The following DHRSX variants were observed in gnomAD, a reference collection of about 807,000 sequenced individuals.
DHRSX encodes the protein polyprenol dehydrogenase.
A neutral mutation model predicts 34.0 loss-of-function variants in DHRSX; 31 were observed. The ratio of observed to expected loss-of-function variants is 0.91; its 90% CI spans 0.69 to 1.23. The LOEUF is 1.23. DHRSX is among the 50% of genes most tolerant of loss of function. The pLI, the probability that DHRSX is intolerant of heterozygous loss-of-function variation, is 0.00. For missense variants in DHRSX, 414 were observed against 428.1 expected, an observed-to-expected ratio of 0.97 and a Z score of 0.29; for synonymous variants, 201 against 183.8, an observed-to-expected ratio of 1.09 and a Z score of -0.76.
At chrX:2,222,133 A>C (rs2015536094) in intron 6 of DHRSX, among the ~76,000 whole-genome samples, 1 of 152,190 alleles carries the variant, frequency 6.6e-6, no homozygotes, top group South Asian at 2.1e-4. Flanking sequence ...TTGATCTTGA[A>C]CTTCCAGCCT....
chrX:2,243,391 C>T (rs973064886), intron 5 of DHRSX, 161 bp from the exon 6 acceptor site: 42 of 172,972 alleles, frequency 2.4e-4, no homozygotes, highest in African/African-American at 3.6e-4. Flanking sequence ...TTTTCCAACG[C>T]GTGTGGATTT....
chrX:2,224,355 G>A (rs2015588167), intron 6 of DHRSX, among the ~76,000 whole-genome samples: 1 of 152,162 alleles, frequency 6.6e-6, no homozygotes, highest in Non-Finnish European at 1.5e-5. Flanking sequence ...GGCAGTGTCT[G>A]GGGGCTTCTG....
chrX:2,357,726 A>T (rs1378293299), intron 3 of DHRSX, among the ~76,000 whole-genome samples: 1 of 150,678 alleles, frequency 6.6e-6, no homozygotes, highest in African/African-American at 2.4e-5. Context: ...AAAAAGAATC[A>T]TTGCTTGTTT....
chrX:2,493,059 G>GAGCCCAT lies in DHRSX; in HGVS notation c.109+7757_109+7758insATGGGCT, dbSNP rs2045196464. Among the ~76,000 whole-genome samples, 4 of 152,242 alleles carry GAGCCCAT rather than the reference G, an allele frequency of 2.6e-5. No homozygotes were observed. The South Asian group carries it at 8.3e-4, about 31-fold the overall frequency. On this transcript the variant is annotated intron_variant, in intron 1 of 6. Coordinates refer to ENST00000334651, the MANE Select transcript of DHRSX (RefSeq NM_145177.3). The stretch of plus-strand genomic sequence containing the variant: ...GTGAGCTGGGCATTGCCAGAGCCCA[G>GAGCCCAT]CAGTGCCACTTCCCAAGACTGGGGT...
intron 3 of DHRSX, among the ~76,000 whole-genome samples, chrX:2,360,318 C>G (rs375928250): frequency 6.6e-6 from 1 of 152,182 alleles, no homozygotes. Flanking sequence ...GGCGTGGTGG[C>G]TCACGCCTGT....
At chrX:2,415,809 A>G (rs1265004278) in intron 2 of DHRSX, among the ~76,000 whole-genome samples, 3 of 151,636 alleles carry the variant, frequency 2.0e-5, no homozygotes, top group Non-Finnish European at 1.5e-5. Flanking sequence ...ACCCAACCAG[A>G]TCTCATCATG....
At chrX:2,448,379 GA>G (rs201017508) in intron 1 of DHRSX, among the ~76,000 whole-genome samples, 7,855 of 151,988 alleles carry the variant, frequency 0.052, 267 homozygotes, top group East Asian at 0.083. Context: ...TTACATAAAA[GA>G]AATAAATTCA....
At chrX:2,292,711 C>T (rs2041880972) in intron 3 of DHRSX, among the ~76,000 whole-genome samples, 1 of 152,102 alleles carries the variant, frequency 6.6e-6, no homozygotes, top group Non-Finnish European at 1.5e-5. Flanking sequence ...GTAACTAATA[C>T]ACAAAATGGC....
chrX:2,482,552 A>G lies in DHRSX; in HGVS notation c.109+18265T>C, dbSNP rs753987806. 2.6e-5 allele frequency among the ~76,000 whole-genome samples: 4 copies of G among 152,276 alleles called. No homozygotes were observed. In the East Asian group the frequency reaches 7.7e-4, roughly 29 times the overall value. ...AGTGCTGGGATGACAGGTGTGAGCC[A>G]TTGTGCCCGGTCTCATACCATTTTT... On this transcript the variant is annotated intron_variant, in intron 1 of 6. Transcript: ENST00000334651.
chrX:2,463,491 G>A (rs1383945092), intron 1 of DHRSX, among the ~76,000 whole-genome samples: 1 of 151,528 alleles, frequency 6.6e-6, no homozygotes, highest in Admixed American at 6.6e-5. Context: ...TCTCTGATGC[G>A]ATGGGGGCAT....
At chrX:2,403,593 C>T (rs145096025) in intron 3 of DHRSX, among the ~76,000 whole-genome samples, 2,299 of 152,198 alleles carry the variant, frequency 0.015, 55 homozygotes, top group African/African-American at 0.053. Flanking sequence ...CAGTGGCTCA[C>T]GCCTGTAATC....
At chrX:2,466,697 C>G (rs1409970106) in intron 1 of DHRSX, among the ~76,000 whole-genome samples, 1 of 152,044 alleles carries the variant, frequency 6.6e-6, no homozygotes, top group African/African-American at 2.4e-5. Context: ...GACTTATTAC[C>G]TGCATGATGA....
At chrX:2,458,645 A>G (rs2044347200) in intron 1 of DHRSX, among the ~76,000 whole-genome samples, 1 of 150,976 alleles carries the variant, frequency 6.6e-6, no homozygotes, top group Non-Finnish European at 1.5e-5. Context: ...AAACGCAGAG[A>G]GTGCAATGGT....
At chrX:2,421,778 C>G (rs2043783311) in intron 2 of DHRSX, among the ~76,000 whole-genome samples, 1 of 152,150 alleles carries the variant, frequency 6.6e-6, no homozygotes, top group South Asian at 2.1e-4. Context: ...ACGCTAGCAG[C>G]TATTGAAACG....
rs528709996 is a variant in DHRSX, at chrX:2,220,671, C to G, written c.*370G>C. The stretch of plus-strand genomic sequence containing the variant: ...GGAGACCTCATCCACCACTAGGTCT[C>G]AGAGAGGACATTGCAGCCCCTGAAA... On this transcript the variant is annotated 3_prime_UTR_variant, in exon 7 of 7. Transcript: ENST00000334651. 3 of 216,936 alleles carry G rather than the reference C, an allele frequency of 1.4e-5. No homozygotes were observed. The highest frequency in any genetic ancestry group is 6.8e-5 in the African/African-American group (3 of 44,220). The allele number at this position is 216,936 out of a possible 1,614,324, so 13.4% of individuals were successfully genotyped here. A position where few individuals can be genotyped will look rare whatever the true frequency, so the allele number is the denominator to read the frequency against.
chrX:2,272,186 G>A lies in DHRSX; in HGVS notation c.389-5239C>T, dbSNP rs763165607. On this transcript the variant is annotated intron_variant, in intron 4 of 6. Coordinates refer to ENST00000334651, the MANE Select transcript of DHRSX (RefSeq NM_145177.3). ...AAAAACACCAGAATAGGTTGCTGTG[G>A]GTGGACGGGAAGCTTTGCATTTTGA... Among the ~76,000 whole-genome samples, 10 of 152,194 alleles carry A rather than the reference G, an allele frequency of 6.6e-5. No homozygotes were observed. In the South Asian group the frequency reaches 1.7e-3, roughly 25 times the overall value.
At chrX:2,415,514 G>C (rs1018036657) in intron 2 of DHRSX, among the ~76,000 whole-genome samples, 1 of 147,494 alleles carries the variant, frequency 6.8e-6, no homozygotes. Context: ...AGATATCATC[G>C]TAATATAATT....
intron 3 of DHRSX, among the ~76,000 whole-genome samples, chrX:2,381,343 C>T (rs2043200145): frequency 6.6e-6 from 1 of 152,156 alleles, no homozygotes; most frequent in African/African-American, 2.4e-5. Context: ...TGAGAAGGCA[C>T]CGTCTGTGAA....
intron 4 of DHRSX, among the ~76,000 whole-genome samples, chrX:2,274,722 C>T (rs1358029184): frequency 6.6e-6 from 1 of 151,994 alleles, no homozygotes; most frequent in African/African-American, 2.4e-5. Context: ...TGAGCCACCG[C>T]GCCCGGCCAC....
Sources: gnomAD v4.1 joint callset for allele counts (sites outside exome capture counted in the v4.1 genomes callset) on GRCh38, gnomAD v4.1.1 for gene constraint, MANE v1.5 for transcripts, NCBI Gene and HGNC (gene_info 2026-07-23, HGNC 2026-07-21) for gene names.